Variants in ZNF558 observed in about 807,000 individuals in gnomAD.
ZNF558 encodes zinc finger protein 558.
Under a neutral mutation model 37.6 loss-of-function variants are expected in ZNF558, and 23 were observed. The ratio of observed to expected loss-of-function variants is 0.61; its 90% CI spans 0.44 to 0.87. The LOEUF (loss-of-function observed/expected upper bound fraction) is 0.87. ZNF558 is among the 40% of genes least tolerant of loss of function. ZNF558 has a pLI of 0.00. For missense variants in ZNF558, 429 were observed against 483.7 expected (o/e 0.89, Z 1.06); for synonymous variants, 189 against 174.4 (o/e 1.08, Z -0.66).
At chr19:8,821,061 T>A in intron 7 of ZNF558, 119 bp downstream of exon 7, 1 of 1,432,172 alleles carries the variant, frequency 7.0e-7, no homozygotes, top group Non-Finnish European at 9.3e-7. Context: ...TATCTTAGAA[T>A]GGTTAAAAAT....
chr19:8,830,398 T>C (rs1163193281), intron 2 of ZNF558, among the ~76,000 whole-genome samples: 1 of 152,148 alleles, frequency 6.6e-6, no homozygotes. Flanking sequence ...TGGAAACCAG[T>C]TCCCTACCCT....
intron 7 of ZNF558, among the ~76,000 whole-genome samples, chr19:8,819,758 C>T (rs552140223): frequency 3.3e-5 from 5 of 151,972 alleles, no homozygotes; most frequent in Middle Eastern, 3.2e-3. Context: ...GCCAACACAG[C>T]GAAACCCTGT....
At chr19:8,814,068 G>A (rs923702269) in intron 7 of ZNF558, among the ~76,000 whole-genome samples, 1 of 152,202 alleles carries the variant, frequency 6.6e-6, no homozygotes, top group South Asian at 2.1e-4. Context: ...AAAGCGGTCC[G>A]AATCAACTTT....
chr19:8,806,626 G>A lies in ZNF558; in HGVS notation c.*4655C>T, dbSNP rs1320941064. ...AGGCAGGAGAATCACTTGAACCCAGGAGGAGGAGGTTGCAGTGAGCCGAGA... is the reference window on the plus strand; with the variant it reads ...AGGCAGGAGAATCACTTGAACCCAGAAGGAGGAGGTTGCAGTGAGCCGAGA... On this transcript the variant is annotated 3_prime_UTR_variant, in exon 10 of 10. Coordinates refer to ENST00000601372, the MANE Select transcript of ZNF558 (RefSeq NM_144693.3). 2.0e-5 allele frequency: 3 copies of A among 150,438 alleles called. No homozygotes were observed. Among genetic ancestry groups the A allele is most frequent in the Admixed American group, 6.6e-5 (1 of 15,054 alleles). The allele number at this position is 150,438 out of a possible 1,614,324, so 9.3% of individuals were successfully genotyped here. A position where few individuals can be genotyped will look rare whatever the true frequency, so the allele number is the denominator to read the frequency against.
chr19:8,810,990 G>C lies in ZNF558; in HGVS notation c.*291C>G, dbSNP rs1233974473. ...GGCATGTGAATAAGTCATCTTGGAAGTGGACTGTTCATCAGTAAAGATGTT... is the reference window on the plus strand; with the variant it reads ...GGCATGTGAATAAGTCATCTTGGAACTGGACTGTTCATCAGTAAAGATGTT... On this transcript the variant is annotated 3_prime_UTR_variant, in exon 10 of 10. Transcript: ENST00000601372. 3.7e-6 allele frequency: 1 copy of C among 268,382 alleles called. No homozygotes were observed. Among genetic ancestry groups the C allele is most frequent in the Non-Finnish European group, 7.0e-6 (1 of 142,018 alleles). The allele number at this position is 268,382 out of a possible 1,614,324, so 16.6% of individuals were successfully genotyped here. A position where few individuals can be genotyped will look rare whatever the true frequency, so the allele number is the denominator to read the frequency against.
upstream of ZNF558, among the ~76,000 whole-genome samples, chr19:8,833,787 G>A (rs567603761): frequency 2.6e-5 from 4 of 152,278 alleles, no homozygotes; most frequent in South Asian, 6.2e-4. Flanking sequence ...TCAGGAGTTC[G>A]AGACCAGCCT....
At chr19:8,814,425 T>C (rs894453960) in intron 7 of ZNF558, among the ~76,000 whole-genome samples, 3 of 152,186 alleles carry the variant, frequency 2.0e-5, no homozygotes, top group African/African-American at 7.2e-5. Flanking sequence ...TCAGTACTGC[T>C]TGAGGCAAGA....
intron 2 of ZNF558, among the ~76,000 whole-genome samples, chr19:8,828,275 T>C (rs1197269093): frequency 6.6e-6 from 1 of 152,194 alleles, no homozygotes; most frequent in Admixed American, 6.5e-5. Flanking sequence ...AAACTAAAGA[T>C]AACATCTTAA....
intron 9 of ZNF558, 141 bp downstream of exon 9, chr19:8,812,420 A>C (rs958168773): frequency 1.2e-5 from 6 of 517,748 alleles, no homozygotes; most frequent in Non-Finnish European, 2.0e-5. Context: ...TATAATTTTC[A>C]CAGTGTCTCT....
intron 2 of ZNF558, among the ~76,000 whole-genome samples, chr19:8,827,888 T>C (rs1243905180): frequency 1.3e-5 from 2 of 152,118 alleles, no homozygotes; most frequent in African/African-American, 2.4e-5. Context: ...TCCCTGTTCT[T>C]GTCTCGGCTT....
At position 8,828,413 on chromosome 19, in the gene ZNF558, G is replaced by A. The variant is rs369871133; in HGVS notation, c.-509+2905C>T. Reference sequence around the variant, plus strand: ...TGAGCTTCAGCGTTCTTTGTGCTAAGTTTCTTCTTGAGGGGCTTGGAGAAA... The same window carrying A: ...TGAGCTTCAGCGTTCTTTGTGCTAAATTTCTTCTTGAGGGGCTTGGAGAAA... On this transcript the variant is annotated intron_variant, in intron 2 of 9. Coordinates refer to ENST00000601372, the MANE Select transcript of ZNF558 (RefSeq NM_144693.3). Among the ~76,000 whole-genome samples, 10 of 152,328 alleles carry A rather than the reference G, an allele frequency of 6.6e-5. No homozygotes were observed. In the South Asian group the frequency reaches 1.9e-3, roughly 28 times the overall value.
At chr19:8,820,023 C>T (rs1434273911) in intron 7 of ZNF558, among the ~76,000 whole-genome samples, 1 of 152,082 alleles carries the variant, frequency 6.6e-6, no homozygotes, top group African/African-American at 2.4e-5. Context: ...AAGAAAAATA[C>T]TCAACAAGTA....
At chr19:8,833,912 C>T (rs1007779317), upstream of ZNF558, among the ~76,000 whole-genome samples, 6 of 151,948 alleles carry the variant, frequency 3.9e-5, no homozygotes, top group African/African-American at 1.2e-4. Flanking sequence ...AGCTTGAACT[C>T]GGGAGGTGGA....
intron 7 of ZNF558, 66 bp downstream of exon 7, chr19:8,821,114 T>G (rs1442376847): frequency 1.3e-6 from 2 of 1,566,948 alleles, no homozygotes; most frequent in Non-Finnish European, 1.7e-6. Flanking sequence ...ATAAAAAAAG[T>G]AAGCAAAGCA....
chr19:8,809,497 G>C lies in ZNF558; in HGVS notation c.*1784C>G, dbSNP rs2043734511. On this transcript the variant is annotated 3_prime_UTR_variant, in exon 10 of 10. Coordinates refer to ENST00000601372, the MANE Select transcript of ZNF558 (RefSeq NM_144693.3). Reference sequence around the variant, plus strand: ...ACTGGGAAAGAAACCAACAGTATTTGGCATACCAAGATAGAGAGAAAATAA... The same window carrying C: ...ACTGGGAAAGAAACCAACAGTATTTCGCATACCAAGATAGAGAGAAAATAA... 2 of 152,198 alleles carry C rather than the reference G, an allele frequency of 1.3e-5. No homozygotes were observed. Among genetic ancestry groups the C allele is most frequent in the East Asian group, 3.9e-4 (2 of 5,170 alleles). The allele number at this position is 152,198 out of a possible 1,614,324, so 9.4% of individuals were successfully genotyped here.
upstream of ZNF558, chr19:8,833,011 A>G (rs10407086): frequency 0.016 from 2,334 of 143,826 alleles, 66 homozygotes; most frequent in African/African-American, 0.059. Context: ...GTGGGCGGAG[A>G]CCAGTTCTGG....
chr19:8,818,062 A>G (rs1280652915), intron 7 of ZNF558, among the ~76,000 whole-genome samples: 2 of 152,242 alleles, frequency 1.3e-5, no homozygotes, highest in African/African-American at 4.8e-5. Context: ...ATTCTCCAGG[A>G]TAGATTATAT....
chr19:8,822,153 T>C lies in ZNF558; in HGVS notation c.32-62A>G. The C allele has an allele frequency of 6.3e-7, 1 of 1,593,960 alleles. No individual in the cohort carries two copies. The highest frequency in any genetic ancestry group is 1.1e-5 in the South Asian group (1 of 88,564). On this transcript the variant is annotated intron_variant, in intron 5 of 9. Coordinates refer to ENST00000601372, the MANE Select transcript of ZNF558 (RefSeq NM_144693.3). This position sits in a 1 kb window ranked among gnomAD's most constrained non-coding sequence, Gnocchi z 4.4. ...TGTCTGACACCCACAGATCTGCCCC[T>C]GATTGACCACACCCACCTCCCACAC...
At position 8,806,415 on chromosome 19, in the gene ZNF558, C is replaced by T. The variant is rs1336137439; in HGVS notation, c.*4866G>A. ...TCTCTCAGCTTAAAAAAATCCCTCC[C>T]AGGCCGGGCGTGGTGGCTCACGCCT... is the stretch of plus-strand genomic sequence containing the variant. On this transcript the variant is annotated 3_prime_UTR_variant, in exon 10 of 10. Transcript: ENST00000601372. 6.6e-6 allele frequency: 1 copy of T among 152,040 alleles called. No individual in the cohort carries two copies. Among genetic ancestry groups the T allele is most frequent in the Non-Finnish European group, 1.5e-5 (1 of 68,012 alleles). 9.4% of individuals were successfully genotyped at this position (152,040 alleles called of 1,614,324 possible).
Sources: allele counts gnomAD v4.1 joint callset (sites outside exome capture counted in the v4.1 genomes callset), GRCh38; gene constraint gnomAD v4.1.1; non-coding constraint Gnocchi (gnomAD v3.1); transcripts MANE v1.5; gene names NCBI Gene and HGNC (gene_info 2026-07-23, HGNC 2026-07-21).